Variants in PPP2CA observed in about 807,000 individuals in gnomAD.
The protein encoded by PPP2CA is protein phosphatase 2 catalytic subunit alpha.
Under a neutral mutation model 38.8 loss-of-function variants are expected in PPP2CA, and 5 were observed. The ratio of observed to expected loss-of-function variants is 0.13; its 90% CI spans 0.07 to 0.27. The LOEUF (loss-of-function observed/expected upper bound fraction) is 0.27, where lower values mean the gene tolerates loss of function less well. Among genes scored for constraint, PPP2CA ranks in the 10% least tolerant of loss-of-function variants. The probability of loss-of-function intolerance (pLI) is 1.00; values close to 1 mark genes in which losing one functional copy is unlikely to be tolerated. For synonymous variants in PPP2CA, 152 were observed against 134.0 expected (o/e 1.13, Z -0.93); for missense variants, 88 against 389.7 (o/e 0.23, Z 6.52).
chr5:134,215,448 G>T (rs908624452), intron 1 of PPP2CA, among the ~76,000 whole-genome samples: 7 of 152,142 alleles, frequency 4.6e-5, no homozygotes, highest in Admixed American at 3.3e-4. Flanking sequence ...GGTAGCCCTC[G>T]CCTGTGGTCC....
At position 134,197,689 on chromosome 5, in the gene PPP2CA, C is replaced by T. The variant is rs1292887274; in HGVS notation, c.*83G>A. On this transcript the variant is annotated 3_prime_UTR_variant, in exon 7 of 7. Transcript: ENST00000481195. Reference sequence around the variant, plus strand: ...TTTTTGAATGTTAACTATTTTCTGACACTTTGGAGTTACTGTTGCTCTTCC... The same window carrying T: ...TTTTTGAATGTTAACTATTTTCTGATACTTTGGAGTTACTGTTGCTCTTCC... 3 of 1,106,540 alleles carry T rather than the reference C, an allele frequency of 2.7e-6. No homozygotes were observed. Among genetic ancestry groups the T allele is most frequent in the Non-Finnish European group, 2.7e-6 (2 of 733,606 alleles). The allele number at this position is 1,106,540 out of a possible 1,614,324, so 68.5% of individuals were successfully genotyped here. A position where few individuals can be genotyped will look rare whatever the true frequency, so the allele number is the denominator to read the frequency against.
chr5:134,209,729 G>C (rs1762162949), intron 1 of PPP2CA, among the ~76,000 whole-genome samples: 2 of 151,508 alleles, frequency 1.3e-5, no homozygotes, highest in South Asian at 4.2e-4. Context: ...AGTGAGCCAA[G>C]ATCGCTCCAC....
intron 6 of PPP2CA, among the ~76,000 whole-genome samples, chr5:134,198,273 A>T (rs1316536038): frequency 1.3e-5 from 2 of 151,924 alleles, no homozygotes; most frequent in Non-Finnish European, 2.9e-5. Flanking sequence ...GACGCCTGTA[A>T]TCCCAGCTAC....
Position 134,202,140 on chromosome 5 carries a change from C to T in PPP2CA, c.313-119G>A, listed in dbSNP as rs181633757. 7.6e-3 allele frequency: 7,599 copies of T among 996,126 alleles called. 37 individuals are homozygous for T. Among genetic ancestry groups the T allele is most frequent in the Middle Eastern group, 0.018 (54 of 3,016 alleles). 61.7% of individuals were successfully genotyped at this position (996,126 alleles called of 1,614,324 possible). Reference sequence around the variant, plus strand: ...TTTTGTTGAAAAAACAGCACACATCCTCATATCATAGTGAACCAAAACCAC... The same window carrying T: ...TTTTGTTGAAAAAACAGCACACATCTTCATATCATAGTGAACCAAAACCAC... On this transcript the variant is annotated intron_variant, in intron 2 of 6. Transcript: ENST00000481195.
intron 1 of PPP2CA, among the ~76,000 whole-genome samples, chr5:134,208,442 G>A (rs1762130092): frequency 6.6e-6 from 1 of 152,142 alleles, no homozygotes; most frequent in East Asian, 1.9e-4. Context: ...ATACATTCTT[G>A]TAAAAAATTT....
chr5:134,211,611 G>T (rs1295942281), intron 1 of PPP2CA, among the ~76,000 whole-genome samples: 1 of 149,090 alleles, frequency 6.7e-6, no homozygotes, highest in Non-Finnish European at 1.5e-5. Flanking sequence ...TGAGTAGCTG[G>T]GATTACAGAT....
At chr5:134,216,998 T>C (rs1437267153) in intron 1 of PPP2CA, among the ~76,000 whole-genome samples, 1 of 152,226 alleles carries the variant, frequency 6.6e-6, no homozygotes, top group East Asian at 1.9e-4. Context: ...AGTCTGATTA[T>C]TGGCCGGGCG....
chr5:134,226,062 T>G lies in PPP2CA; in HGVS notation c.-201A>C, dbSNP rs547421132. 18 of 505,996 alleles carry G rather than the reference T, an allele frequency of 3.6e-5. No individual in the cohort carries two copies. Among genetic ancestry groups the G allele is most frequent in the Non-Finnish European group, 6.3e-5 (18 of 286,482 alleles). The allele number at this position is 505,996 out of a possible 1,614,324, so 31.3% of individuals were successfully genotyped here. On this transcript the variant is annotated 5_prime_UTR_variant, in exon 1 of 7. Transcript: ENST00000481195. ...CCTCCGCTCGCTGAGGCTCCAGAGC[T>G]CGGCTCTCTGTAATGGCGGCCGCCG...
Position 134,200,323 on chromosome 5 carries a change from A to C in PPP2CA, c.738+12T>G. The stretch of plus-strand genomic sequence containing the variant: ...TAAAAAAACAAGTCATATTTCAGAG[A>C]ACACAGCATACCTCCATCACTAGCT... On this transcript the variant is annotated intron_variant, in intron 5 of 6. Coordinates refer to ENST00000481195, the MANE Select transcript of PPP2CA (RefSeq NM_002715.4). 1.9e-6 allele frequency: 3 copies of C among 1,594,654 alleles called. No individual in the cohort carries two copies. The South Asian group carries it at 3.4e-5, about 18-fold the overall frequency.
intron 1 of PPP2CA, among the ~76,000 whole-genome samples, chr5:134,223,137 T>C (rs1336984180): frequency 2.0e-5 from 3 of 152,202 alleles, no homozygotes; most frequent in Admixed American, 6.5e-5. Context: ...CTTCTTATGA[T>C]TGAAGAAATT....
At chr5:134,204,482 C>A (rs989447181) in intron 2 of PPP2CA, among the ~76,000 whole-genome samples, 2 of 152,158 alleles carry the variant, frequency 1.3e-5, no homozygotes, top group African/African-American at 4.8e-5. Flanking sequence ...TTTTTAAAGA[C>A]ACAGGGGTCT....
At chr5:134,209,928 A>G (rs1762169719) in intron 1 of PPP2CA, among the ~76,000 whole-genome samples, 1 of 152,118 alleles carries the variant, frequency 6.6e-6, no homozygotes, top group African/African-American at 2.4e-5. Context: ...AAAATAAAAA[A>G]TTAGCCATCT....
intron 1 of PPP2CA, among the ~76,000 whole-genome samples, chr5:134,209,858 C>T (rs891720127): frequency 6.6e-6 from 1 of 151,734 alleles, no homozygotes; most frequent in Non-Finnish European, 1.5e-5. Context: ...CGGGAGGATG[C>T]TCAGGAGTTC....
At chr5:134,201,147 C>T (rs1034124026) in intron 3 of PPP2CA, 73 bp from the exon 4 acceptor site, 1 of 1,175,222 alleles carries the variant, frequency 8.5e-7, no homozygotes, top group Non-Finnish European at 1.3e-6. Context: ...CACAGTGGCT[C>T]ATGCCTGTAA....
At chr5:134,198,577 C>T (rs1761907784) in intron 6 of PPP2CA, among the ~76,000 whole-genome samples, 1 of 151,736 alleles carries the variant, frequency 6.6e-6, no homozygotes, top group Admixed American at 6.6e-5. Context: ...TTAATAAACA[C>T]TTTTTTGAGA....
chr5:134,225,972 G>T lies in PPP2CA; in HGVS notation c.-111C>A. 9.9e-7 allele frequency: 1 copy of T among 1,007,626 alleles called. No homozygotes were observed. The highest frequency in any genetic ancestry group is 1.5e-6 in the Non-Finnish European group (1 of 687,272). 62.4% of individuals were successfully genotyped at this position (1,007,626 alleles called of 1,614,324 possible). ...GGTTCCTCGTGTACTTCTGGCGGCT[G>T]TTGAGGCTGGCGCTGGCCCGCTGGC... On this transcript the variant is annotated 5_prime_UTR_variant, in exon 1 of 7. Coordinates refer to ENST00000481195, the MANE Select transcript of PPP2CA (RefSeq NM_002715.4).
At chr5:134,211,896 T>C (rs1048035470) in intron 1 of PPP2CA, among the ~76,000 whole-genome samples, 1 of 152,068 alleles carries the variant, frequency 6.6e-6, no homozygotes, top group Non-Finnish European at 1.5e-5. Context: ...GGCGGATGAA[T>C]CACTTGAGGT....
rs1450081600 is a variant in PPP2CA at position 134,205,946 on chromosome 5, T to C, written c.288A>G (p.Thr96=). ...CCTTAAGAGCTACAAGCAGTGTAAC[T>C]GTTTCAACTGAATAATATCCTCTGT... is the stretch of plus-strand genomic sequence containing the variant. ...YVDRGYYSVE[T]VTLLVALKVR... The change falls in exon 2 of 7, where the codon ACA becomes ACG. Residue 96 remains threonine, a synonymous_variant. Transcript: ENST00000481195. 1 of 1,613,932 alleles carries C rather than the reference T, an allele frequency of 6.2e-7. No individual in the cohort carries two copies.
intron 1 of PPP2CA, among the ~76,000 whole-genome samples, chr5:134,210,422 A>G (rs1316755600): frequency 6.6e-6 from 1 of 152,252 alleles, no homozygotes; most frequent in Non-Finnish European, 1.5e-5. Context: ...TTAAGAACTG[A>G]AAGACAAGCA....
Sources: allele counts gnomAD v4.1 joint callset (sites outside exome capture counted in the v4.1 genomes callset), GRCh38; gene constraint gnomAD v4.1.1; transcripts MANE v1.5; gene names NCBI Gene and HGNC (gene_info 2026-07-23, HGNC 2026-07-21).